The following HMGCLL1 variants were observed in gnomAD, a reference collection of about 807,000 sequenced individuals.
HMGCLL1 encodes the protein 3-hydroxymethyl-3-methylglutaryl-CoA lyase, cytoplasmic.
HMGCLL1 carries 36 observed loss-of-function variants against 39.1 expected under a neutral mutation model. The observed-to-expected ratio is 0.92, with a 90% CI of 0.71 to 1.22. HMGCLL1 has a LOEUF of 1.22. Ranked by LOEUF, HMGCLL1 falls within the 50% of genes most tolerant of loss-of-function variation. The pLI, the probability that HMGCLL1 is intolerant of heterozygous loss-of-function variation, is 0.00. For synonymous variants in HMGCLL1, 149 were observed against 144.0 expected, an observed-to-expected ratio of 1.03 and a Z score of -0.25; for missense variants, 451 against 416.5, an observed-to-expected ratio of 1.08 and a Z score of -0.72.
At chr6:55,547,646 G>A (rs1275742920) in intron 1 of HMGCLL1, among the ~76,000 whole-genome samples, 1 of 151,916 alleles carries the variant, frequency 6.6e-6, no homozygotes, top group Non-Finnish European at 1.5e-5. Flanking sequence ...CTATTACACA[G>A]ATCAGAGGGC....
chr6:55,500,068 A>G (rs1177322190), intron 5 of HMGCLL1, among the ~76,000 whole-genome samples: 1 of 152,094 alleles, frequency 6.6e-6, no homozygotes, highest in African/African-American at 2.4e-5. Context: ...CAATTCTTGT[A>G]TTGAAATAAT....
At chr6:55,551,057 A>G in intron 1 of HMGCLL1, among the ~76,000 whole-genome samples, 1 of 148,532 alleles carries the variant, frequency 6.7e-6, no homozygotes, top group East Asian at 2.0e-4. Flanking sequence ...AAAAAAAAAA[A>G]TAAACCACAA....
intron 7 of HMGCLL1, among the ~76,000 whole-genome samples, chr6:55,470,563 T>G (rs558393741): frequency 6.0e-4 from 91 of 151,982 alleles, no homozygotes; most frequent in Middle Eastern, 6.8e-3. Context: ...TCTGCTACCA[T>G]TAATATAACA....
At chr6:55,531,668 C>T (rs1325928420) in intron 3 of HMGCLL1, among the ~76,000 whole-genome samples, 1 of 152,074 alleles carries the variant, frequency 6.6e-6, no homozygotes. Flanking sequence ...AGAAGGTGAG[C>T]AGCAGGAGAG....
At chr6:55,657,041 G>C in the HMGCLL1 span, among the ~76,000 whole-genome samples, 2 of 151,734 alleles carry the variant, frequency 1.3e-5, no homozygotes, top group African/African-American at 4.8e-5. Flanking sequence ...TTTTTATGGG[G>C]GTTTTGTTGT....
the HMGCLL1 span, among the ~76,000 whole-genome samples, chr6:55,633,398 A>G: frequency 6.6e-6 from 1 of 151,846 alleles, no homozygotes; most frequent in South Asian, 2.1e-4. Flanking sequence ...AGAAATAGGC[A>G]GAGAGAGAAT....
chr6:55,633,996 TATATC>T, the HMGCLL1 span, among the ~76,000 whole-genome samples: 5 of 152,146 alleles, frequency 3.3e-5, no homozygotes, highest in East Asian at 3.9e-4. Flanking sequence ...TTTGTATTCT[TATATC>T]ATATTACTTT....
At chr6:55,466,946 G>A (rs1276430824) in intron 7 of HMGCLL1, among the ~76,000 whole-genome samples, 2 of 152,004 alleles carry the variant, frequency 1.3e-5, no homozygotes, top group African/African-American at 4.8e-5. Context: ...ATCAGAATGT[G>A]TTTTCAGCCT....
chr6:55,651,850 T>C, the HMGCLL1 span, among the ~76,000 whole-genome samples: 1 of 152,036 alleles, frequency 6.6e-6, no homozygotes, highest in Non-Finnish European at 1.5e-5. Flanking sequence ...CTAGCAGAGC[T>C]CTATTCTCTG....
the HMGCLL1 span, among the ~76,000 whole-genome samples, chr6:55,659,744 T>G: frequency 0.013 from 2,050 of 152,020 alleles, 51 homozygotes; most frequent in African/African-American, 0.047. Flanking sequence ...CTTCACTTTA[T>G]GCTGTATTCA....
rs141200601 is a variant in HMGCLL1 at position 55,474,540 on chromosome 6, C to T, written c.795+20879G>A. ...CTTTTTTGCATGTTGTCTACTTCTG[C>T]CAATAAATCCCTTCACATATTAGTC... On this transcript the variant is annotated intron_variant, in intron 7 of 8. Transcript: ENST00000274901. Among the ~76,000 whole-genome samples, 342 of 151,596 alleles carry T rather than the reference C, an allele frequency of 2.3e-3. 3 individuals carry two copies. Among genetic ancestry groups the T allele is most frequent in the African/African-American group, 7.9e-3 (329 of 41,454 alleles).
chr6:55,579,799 G>A (rs577846428), upstream of HMGCLL1, among the ~76,000 whole-genome samples: 8 of 152,246 alleles, frequency 5.3e-5, no homozygotes, highest in Non-Finnish European at 1.2e-4. Context: ...CTAAGGACTA[G>A]ATTTATCCAA....
At chr6:55,639,602 C>T in the HMGCLL1 span, among the ~76,000 whole-genome samples, 2 of 151,900 alleles carry the variant, frequency 1.3e-5, no homozygotes, top group South Asian at 4.2e-4. Context: ...ACTTAAGTTG[C>T]TGCTCTCCAC....
At chr6:55,500,530 T>C (rs957311998) in intron 5 of HMGCLL1, among the ~76,000 whole-genome samples, 2 of 151,962 alleles carry the variant, frequency 1.3e-5, no homozygotes, top group African/African-American at 4.8e-5. Context: ...ACAAAAATTA[T>C]AGAAGTGTTA....
intron 3 of HMGCLL1, among the ~76,000 whole-genome samples, chr6:55,539,750 T>C (rs191404577): frequency 3.6e-4 from 54 of 149,828 alleles, no homozygotes; most frequent in African/African-American, 1.3e-3. Flanking sequence ...AACTAAAGGA[T>C]ACTAGGCTTA....
At chr6:55,598,636 T>C in the HMGCLL1 span, among the ~76,000 whole-genome samples, 1 of 152,230 alleles carries the variant, frequency 6.6e-6, no homozygotes, top group Non-Finnish European at 1.5e-5. Flanking sequence ...CAAGTACCGT[T>C]CTCTGTTGAG....
chr6:55,491,565 T>C (rs1561914455), intron 7 of HMGCLL1, among the ~76,000 whole-genome samples: 1 of 152,204 alleles, frequency 6.6e-6, no homozygotes, highest in Admixed American at 6.5e-5. Context: ...AATCAATGTG[T>C]AGCTGTTATT....
chr6:55,650,108 T>C, the HMGCLL1 span, among the ~76,000 whole-genome samples: 357 of 75,758 alleles, frequency 4.7e-3, 24 homozygotes, highest in African/African-American at 0.018. Flanking sequence ...TATATATATA[T>C]ATATATATAT....
chr6:55,657,112 T>C, the HMGCLL1 span, among the ~76,000 whole-genome samples: 3 of 152,038 alleles, frequency 2.0e-5, no homozygotes, highest in Admixed American at 2.0e-4. Flanking sequence ...CTTTGTCAGA[T>C]GCATAGTTTG....
Sources: gnomAD v4.1 joint callset for allele counts (sites outside exome capture counted in the v4.1 genomes callset) on GRCh38, gnomAD v4.1.1 for gene constraint, MANE v1.5 for transcripts, NCBI Gene and HGNC (gene_info 2026-07-23, HGNC 2026-07-21) for gene names.